ATP11A: variants seen among roughly 807,000 people sequenced by gnomAD.
ATP11A encodes ATPase phospholipid transporting 11A.
Under a neutral mutation model 154.4 loss-of-function variants are expected in ATP11A, and 81 were observed. That is an observed-to-expected ratio of 0.52 (90% CI 0.44 to 0.63). The LOEUF (loss-of-function observed/expected upper bound fraction) is 0.63. Ranked by LOEUF, ATP11A falls within the 30% of genes least tolerant of loss-of-function variation. The pLI is 0.00. For synonymous variants in ATP11A, 623 were observed against 585.9 expected, an observed-to-expected ratio of 1.06 and a Z score of -0.91; for missense variants, 1,316 against 1,474.3, an observed-to-expected ratio of 0.89 and a Z score of 1.76.
intron 10 of ATP11A, among the ~76,000 whole-genome samples, chr13:112,824,931 T>C (rs574360959): frequency 4.6e-5 from 7 of 152,216 alleles, no homozygotes; most frequent in Non-Finnish European, 7.3e-5. Flanking sequence ...TGCTAAGACC[T>C]TAGTTAAGGA....
chr13:112,874,760 C>G (rs1352611236), intron 27 of ATP11A, among the ~76,000 whole-genome samples: 1 of 152,134 alleles, frequency 6.6e-6, no homozygotes, highest in Non-Finnish European at 1.5e-5. Context: ...GTCAGGCACC[C>G]TGTCAGCCCC....
intron 25 of ATP11A, among the ~76,000 whole-genome samples, chr13:112,862,911 A>C (rs1250789757): frequency 2.0e-5 from 3 of 146,770 alleles, no homozygotes; most frequent in African/African-American, 7.8e-5. Flanking sequence ...AGCGGGGTCC[A>C]TCACCACCTG....
At chr13:112,795,160 G>A (rs964955506) in intron 2 of ATP11A, among the ~76,000 whole-genome samples, 12 of 152,072 alleles carry the variant, frequency 7.9e-5, no homozygotes, top group South Asian at 2.1e-4. Flanking sequence ...CACGAGAATC[G>A]CTTGAACCTG....
At chr13:112,724,195 G>A (rs1315863231) in intron 1 of ATP11A, among the ~76,000 whole-genome samples, 31 of 138,152 alleles carry the variant, frequency 2.2e-4, no homozygotes, top group African/African-American at 7.9e-4. Context: ...CGCCCCCATC[G>A]GCACCATCGC....
Position 112,860,359 on chromosome 13 carries a change from C to T in ATP11A, c.2800C>T (p.Leu934Phe). The change falls in exon 24 of 30, where the codon CTC (leucine) becomes TTC (phenylalanine). Residue 934 changes from leucine to phenylalanine, a missense_variant. Physicochemically the swap from Leu to Phe is conservative, Grantham distance 22. This residue lies in a region of ATP11A where 294 missense variants were observed against 290.2 expected (regional missense o/e 1.01). Coordinates refer to ENST00000375645, the MANE Select transcript of ATP11A (RefSeq NM_015205.3). ...CTCCCTCCCCATCCTCCTGTACAGC[C>T]TCATGGAGCAGCATGTTGGCATTGA... Reference protein sequence around the residue: ...FTSLPILLYSLMEQHVGIDVL... With the variant: ...FTSLPILLYSFMEQHVGIDVL... 6.2e-7 allele frequency: 1 copy of T among 1,614,178 alleles called. No individual in the cohort carries two copies. Among genetic ancestry groups the T allele is most frequent in the Non-Finnish European group, 8.5e-7 (1 of 1,180,030 alleles).
At chr13:112,830,927 C>T (rs1337873452) in intron 12 of ATP11A, among the ~76,000 whole-genome samples, 1 of 152,192 alleles carries the variant, frequency 6.6e-6, no homozygotes, top group African/African-American at 2.4e-5. Context: ...TAGGTTTTGA[C>T]CTCCAAGACT....
intron 13 of ATP11A, among the ~76,000 whole-genome samples, chr13:112,832,337 G>T (rs2079117442): frequency 6.6e-6 from 1 of 152,198 alleles, no homozygotes; most frequent in Admixed American, 6.5e-5. Flanking sequence ...GCAGCTGCAG[G>T]CGCAGGATAA....
At position 112,884,301 on chromosome 13, in the gene ATP11A, C is replaced by G. The variant is rs977039889; in HGVS notation, c.*2435C>G. 6.6e-6 allele frequency: 1 copy of G among 152,628 alleles called. No homozygotes were observed. Among genetic ancestry groups the G allele is most frequent in the Non-Finnish European group, 1.5e-5 (1 of 68,034 alleles). 9.5% of individuals were successfully genotyped at this position (152,628 alleles called of 1,614,324 possible). A position where few individuals can be genotyped will look rare whatever the true frequency, so the allele number is the denominator to read the frequency against. On this transcript the variant is annotated 3_prime_UTR_variant, in exon 30 of 30. Transcript: ENST00000375645. ...TGTTTCATTGTTAATTGCCATCCTT[C>G]AGCCTTAAAAATAGAAGATTCTCAC...
Position 112,885,434 on chromosome 13 carries a change from G to C in ATP11A, c.*3568G>C, listed in dbSNP as rs1378500522. ...GTACACCACAAATGAGTTCCCAGAC[G>C]TGTAAACACACGTGCACACATCGTA... On this transcript the variant is annotated 3_prime_UTR_variant, in exon 30 of 30. Transcript: ENST00000375645. 1 of 152,144 alleles carries C rather than the reference G, an allele frequency of 6.6e-6. No individual in the cohort carries two copies. Among genetic ancestry groups the C allele is most frequent in the East Asian group, 1.9e-4 (1 of 5,138 alleles). The allele number at this position is 152,144 out of a possible 1,614,324, so 9.4% of individuals were successfully genotyped here. A position where few individuals can be genotyped will look rare whatever the true frequency, so the allele number is the denominator to read the frequency against.
At chr13:112,691,719 C>A (rs568489562) in intron 1 of ATP11A, among the ~76,000 whole-genome samples, 1 of 152,188 alleles carries the variant, frequency 6.6e-6, no homozygotes, top group Non-Finnish European at 1.5e-5. Flanking sequence ...TATTTATGAG[C>A]CTTCTTTAAA....
rs903271047 is a variant in ATP11A, at chr13:112,886,052, G to T, written c.*4186G>T. 1 of 152,322 alleles carries T rather than the reference G, an allele frequency of 6.6e-6. No individual in the cohort carries two copies. Among genetic ancestry groups the T allele is most frequent in the African/African-American group, 2.4e-5 (1 of 41,462 alleles). The allele number at this position is 152,322 out of a possible 1,614,324, so 9.4% of individuals were successfully genotyped here. On this transcript the variant is annotated 3_prime_UTR_variant, in exon 30 of 30. Coordinates refer to ENST00000375645, the MANE Select transcript of ATP11A (RefSeq NM_015205.3). ...GCCACACCCACGCCGCACCTCATCC[G>T]TGCACGCGTCGGAGCACGGCCAGCC... is the stretch of plus-strand genomic sequence containing the variant.
At chr13:112,709,956 C>T (rs74115447) in intron 1 of ATP11A, among the ~76,000 whole-genome samples, 7,623 of 152,370 alleles carry the variant, frequency 0.05, 685 homozygotes, top group African/African-American at 0.17. Context: ...TGACCAGCCC[C>T]TGTTGGAGCT....
rs112671405 is a variant in ATP11A at position 112,865,694 on chromosome 13, C to T, written c.2991+3119C>T. 1.8e-3 allele frequency among the ~76,000 whole-genome samples: 273 copies of T among 152,306 alleles called. 4 individuals carry two copies. Among genetic ancestry groups the T allele is most frequent in the African/African-American group, 6.2e-3 (257 of 41,566 alleles). On this transcript the variant is annotated intron_variant, in intron 25 of 29. Transcript: ENST00000375645. ...CTTCCCAAGTAGCTGGGACTACAGGCGCCCGCCACCACGCCTGGCTGACTT... is the reference window on the plus strand; with the variant it reads ...CTTCCCAAGTAGCTGGGACTACAGGTGCCCGCCACCACGCCTGGCTGACTT...
At chr13:112,693,566 G>A (rs1014759619) in intron 1 of ATP11A, among the ~76,000 whole-genome samples, 1 of 151,948 alleles carries the variant, frequency 6.6e-6, no homozygotes, top group Non-Finnish European at 1.5e-5. Flanking sequence ...CGTATGTGTT[G>A]TGGAGTAGTG....
At chr13:112,708,355 C>T (rs893562606) in intron 1 of ATP11A, among the ~76,000 whole-genome samples, 7 of 152,270 alleles carry the variant, frequency 4.6e-5, no homozygotes, top group East Asian at 1.9e-4. Flanking sequence ...TTAAAATTCA[C>T]GGTCCGAAAC....
At chr13:112,836,138 A>C in intron 15 of ATP11A, 40 bp from the exon 16 acceptor site, 1 of 1,460,568 alleles carries the variant, frequency 6.8e-7, no homozygotes, top group South Asian at 1.2e-5. Flanking sequence ...TCACGTGAGC[A>C]CCCGTGTGGA....
Position 112,754,906 on chromosome 13 carries a change from C to T in ATP11A, c.40-30229C>T, listed in dbSNP as rs376094092. On this transcript the variant is annotated intron_variant, in intron 1 of 29. Transcript: ENST00000375645. The surrounding 1 kb of genome is among the most constrained non-coding windows in gnomAD (Gnocchi z 5.3). ...GGCTTCCCCAGCCCTCCTAGACACC[C>T]TGCACTTGCCCCTCCCGAGCGCGTG... is the stretch of plus-strand genomic sequence containing the variant. 3.6e-4 allele frequency among the ~76,000 whole-genome samples: 55 copies of T among 152,350 alleles called. 1 individual carries two copies. The South Asian group carries it at 0.011, about 30-fold the overall frequency.
chr13:112,798,536 C>T (rs1469789965), intron 2 of ATP11A, among the ~76,000 whole-genome samples: 2 of 152,140 alleles, frequency 1.3e-5, no homozygotes, highest in African/African-American at 4.8e-5. Flanking sequence ...ACAGCAGTGC[C>T]CTGGGGGGCA....
In ATP11A at chr13:112,871,749, G is replaced by T. The variant is rs2080527571; in HGVS notation, c.3006G>T (p.Trp1002Cys). ...TCCCCAAACAGATATTTGGAAACTG[G>T]ACGTTTGGAACGCTGGTATTCACCG... ...VTSNGQIFGN[W>C]TFGTLVFTVM... is the part of the protein sequence containing the mutation. Residue 1002 changes from tryptophan to cysteine, a missense_variant, in exon 26 of 30, where the codon TGG (tryptophan) becomes TGT (cysteine). Trp to Cys is a radical substitution (Grantham distance 215, BLOSUM62 -2). Coordinates refer to ENST00000375645, the MANE Select transcript of ATP11A (RefSeq NM_015205.3). 1 of 1,613,994 alleles carries T rather than the reference G, an allele frequency of 6.2e-7. No homozygotes were observed. The highest frequency in any genetic ancestry group is 1.1e-5 in the South Asian group (1 of 91,084).
Sources: allele counts gnomAD v4.1 joint callset (sites outside exome capture counted in the v4.1 genomes callset), GRCh38; gene constraint gnomAD v4.1.1; regional missense constraint gnomAD v4.1.1; non-coding constraint Gnocchi (gnomAD v3.1); transcripts MANE v1.5; gene names NCBI Gene and HGNC (gene_info 2026-07-23, HGNC 2026-07-21).